The following WAPL variants were observed in gnomAD, a reference collection of about 807,000 sequenced individuals.
WAPL encodes the protein WAPL cohesin release factor, also known as wings apart-like protein homolog.
A neutral mutation model predicts 121.0 loss-of-function variants in WAPL; 5 were observed. That is an observed-to-expected ratio of 0.04 (90% CI 0.02 to 0.09). WAPL has a LOEUF of 0.09. Ranked by LOEUF, WAPL falls within the 10% of genes least tolerant of loss-of-function variation. The pLI is 1.00. For synonymous variants in WAPL, 480 were observed against 481.5 expected (o/e 1.00, Z 0.04); for missense variants, 999 against 1,410.8 (o/e 0.71, Z 4.68).
chr10:86,446,352 T>G lies in WAPL; in HGVS notation c.3212A>C (p.Glu1071Ala). Residue 1071 changes from glutamate (E) to alanine (A), a missense_variant, in exon 16 of 19, where the codon GAG becomes GCG. This residue lies in a region of WAPL where 126 missense variants were observed against 144.0 expected (regional missense o/e 0.87). Coordinates refer to ENST00000298767, the MANE Select transcript of WAPL (RefSeq NM_015045.5). ...APTTQHDKSG[E>A]WQETSGEIQW... is the part of the protein sequence containing the mutation. Reference sequence around the variant, plus strand: ...TATTTCTCCACTTGTTTCTTGCCACTCTCCACTCTTATCATGCTGAGTGGT... The same window carrying G: ...TATTTCTCCACTTGTTTCTTGCCACGCTCCACTCTTATCATGCTGAGTGGT... The G allele has an allele frequency of 6.2e-7, 1 of 1,614,170 alleles. No homozygotes were observed. Among genetic ancestry groups the G allele is most frequent in the Non-Finnish European group, 8.5e-7 (1 of 1,180,030 alleles).
At chr10:86,454,176 T>C (rs1328189854) in intron 12 of WAPL, among the ~76,000 whole-genome samples, 1 of 152,232 alleles carries the variant, frequency 6.6e-6, no homozygotes, top group Non-Finnish European at 1.5e-5. Flanking sequence ...TATTACTACA[T>C]AACAAATGTT....
intron 2 of WAPL, among the ~76,000 whole-genome samples, chr10:86,505,582 C>T (rs953208647): frequency 1.5e-4 from 23 of 152,042 alleles, no homozygotes; most frequent in South Asian, 6.2e-4. Flanking sequence ...CCACCGCGCC[C>T]GGTCACAGCC....
In WAPL at chr10:86,500,620, T is replaced by C; in HGVS notation, c.623A>G (p.Asn208Ser). Reference protein sequence around the residue: ...TTVASEIKETNDTWNSQFGKR... With the variant: ...TTVASEIKETSDTWNSQFGKR... ...CCCAAACTGGGAGTTCCAAGTATCA[T>C]TTGTTTCCTTGATTTCAGAAGCCAC... is the stretch of plus-strand genomic sequence containing the variant. Residue 208 changes from asparagine (N) to serine (S), a missense_variant, in exon 3 of 19, where the codon AAT (asparagine) becomes AGT (serine). Transcript: ENST00000298767. 1 of 1,614,194 alleles carries C rather than the reference T, an allele frequency of 6.2e-7. No individual in the cohort carries two copies. The highest frequency in any genetic ancestry group is 8.5e-7 in the Non-Finnish European group (1 of 1,180,032).
intron 14 of WAPL, among the ~76,000 whole-genome samples, 179 bp downstream of exon 14, chr10:86,453,041 A>C (rs1230910571): frequency 9.4e-4 from 16 of 17,108 alleles, no homozygotes; most frequent in African/African-American, 2.4e-3. Flanking sequence ...AAAAAAAAAA[A>C]AAAAAAAAAA....
At chr10:86,499,610 A>AC in intron 3 of WAPL, 108 bp downstream of exon 3, 2 of 1,106,234 alleles carry the variant, frequency 1.8e-6, no homozygotes, top group Non-Finnish European at 2.5e-6. Flanking sequence ...TACTGTACTC[A>AC]CCTCTTTTCA....
At position 86,437,529 on chromosome 10, in the gene WAPL, C is replaced by A. The variant is rs375685930; in HGVS notation, c.*14G>T. 18 of 1,612,366 alleles carry A rather than the reference C, an allele frequency of 1.1e-5. No individual in the cohort carries two copies. Among genetic ancestry groups the A allele is most frequent in the Non-Finnish European group, 1.5e-5 (18 of 1,179,390 alleles). ...CTCCAGCATTACCGAGCACCTGAAG[C>A]AAAGGTAAAGCAGCTAGCAATGTTC... On this transcript the variant is annotated 3_prime_UTR_variant, in exon 19 of 19. Coordinates refer to ENST00000298767, the MANE Select transcript of WAPL (RefSeq NM_015045.5).
chr10:86,459,136 G>T (rs1018541408), intron 11 of WAPL, 71 bp from the exon 12 acceptor site: 2 of 1,213,220 alleles, frequency 1.6e-6, no homozygotes, highest in African/African-American at 1.5e-5. Flanking sequence ...ACCACATTCT[G>T]CCTGGTGCGT....
intron 1 of WAPL, among the ~76,000 whole-genome samples, chr10:86,520,881 G>A (rs1367867764): frequency 6.6e-6 from 1 of 151,988 alleles, no homozygotes; most frequent in Non-Finnish European, 1.5e-5. Flanking sequence ...ATGGAAAGCG[G>A]ACGGGACGAA....
rs1194792478 is a variant in WAPL, at chr10:86,436,340, T to G, written c.*1203A>C. 6.6e-6 allele frequency: 1 copy of G among 151,870 alleles called. No homozygotes were observed. 9.4% of individuals were successfully genotyped at this position (151,870 alleles called of 1,614,324 possible). A position where few individuals can be genotyped will look rare whatever the true frequency, so the allele number is the denominator to read the frequency against. ...CCTGAAAGGTATTTAAAAGTATTAA[T>G]GAAAAAGATCTCTAGAAAGCCTGTA... is the stretch of plus-strand genomic sequence containing the variant. On this transcript the variant is annotated 3_prime_UTR_variant, in exon 19 of 19. Coordinates refer to ENST00000298767, the MANE Select transcript of WAPL (RefSeq NM_015045.5).
intron 17 of WAPL, among the ~76,000 whole-genome samples, chr10:86,438,381 G>A (rs954250183): frequency 1.4e-4 from 22 of 152,058 alleles, no homozygotes; most frequent in African/African-American, 5.1e-4. Context: ...AGCCTCCCGG[G>A]TAGCCGGGAT....
chr10:86,497,067 G>T, intron 4 of WAPL, 134 bp downstream of exon 4: 1 of 722,492 alleles, frequency 1.4e-6, no homozygotes, highest in Non-Finnish European at 2.2e-6. Context: ...GGTTATATCT[G>T]AAAAAACGAC....
intron 12 of WAPL, 144 bp downstream of exon 12, chr10:86,458,838 AAAACTTT>A: frequency 1.9e-6 from 1 of 534,808 alleles, no homozygotes. Context: ...CTGTACTCTT[AAAACTTT>A]TGTTACACAA....
intron 2 of WAPL, among the ~76,000 whole-genome samples, chr10:86,515,451 T>C (rs781488988): frequency 6.6e-6 from 1 of 152,028 alleles, no homozygotes; most frequent in East Asian, 1.9e-4. Flanking sequence ...GCTTCTTATA[T>C]AAAATGAGAG....
intron 4 of WAPL, among the ~76,000 whole-genome samples, chr10:86,496,279 A>C (rs1349442865): frequency 6.6e-6 from 1 of 152,196 alleles, no homozygotes; most frequent in East Asian, 1.9e-4. Flanking sequence ...ATTATCAAAA[A>C]ACAGAAAATA....
chr10:86,472,398 A>G lies in WAPL; in HGVS notation c.1894-54T>C, dbSNP rs1339821208. The stretch of plus-strand genomic sequence containing the variant: ...TTTAACTAGGAACTAGCATATTTAA[A>G]TCTATGGGCTCACTGTACTTTACAT... On this transcript the variant is annotated intron_variant, in intron 6 of 18. Coordinates refer to ENST00000298767, the MANE Select transcript of WAPL (RefSeq NM_015045.5). This position sits in a 1 kb window ranked among gnomAD's most constrained non-coding sequence, Gnocchi z 4.2. 1 of 1,572,098 alleles carries G rather than the reference A, an allele frequency of 6.4e-7. No individual in the cohort carries two copies. The highest frequency in any genetic ancestry group is 2.2e-5 in the Admixed American group (1 of 45,908).
In WAPL at chr10:86,458,965, TTAAC is replaced by T. The variant is rs1841210866; in HGVS notation, c.2657+20_2657+23del. ...TTAAAATAAGTAACAATGTTAGTTG[TTAAC>T]TAATAAACAAAAAACTTACTTAGCT... On this transcript the variant is annotated intron_variant, in intron 12 of 18. Transcript: ENST00000298767. 1 of 1,545,710 alleles carries T rather than the reference TTAAC, an allele frequency of 6.5e-7. No individual in the cohort carries two copies. Among genetic ancestry groups the T allele is most frequent in the Non-Finnish European group, 8.9e-7 (1 of 1,126,940 alleles).
At chr10:86,447,208 C>T (rs1849644950) in intron 15 of WAPL, among the ~76,000 whole-genome samples, 1 of 152,188 alleles carries the variant, frequency 6.6e-6, no homozygotes, top group Admixed American at 6.5e-5. Flanking sequence ...AATGTAATGT[C>T]TCCCAGTTTC....
chr10:86,495,220 A>G (rs948909135), intron 4 of WAPL, among the ~76,000 whole-genome samples: 4 of 152,194 alleles, frequency 2.6e-5, no homozygotes, highest in Non-Finnish European at 4.4e-5. Flanking sequence ...ACCATATTAC[A>G]TTTTGGGAGG....
chr10:86,458,662 T>C (rs1289797819), intron 12 of WAPL, among the ~76,000 whole-genome samples: 2 of 152,216 alleles, frequency 1.3e-5, no homozygotes, highest in African/African-American at 4.8e-5. Context: ...ACTATGTATA[T>C]ATTTCTTACA....
Sources: gnomAD v4.1 joint callset for allele counts (sites outside exome capture counted in the v4.1 genomes callset) on GRCh38, gnomAD v4.1.1 for gene constraint, gnomAD v4.1.1 regional missense constraint, Gnocchi (gnomAD v3.1) non-coding constraint, MANE v1.5 for transcripts, NCBI Gene and HGNC (gene_info 2026-07-23, HGNC 2026-07-21) for gene names.